Variants in SLC4A4 observed in about 807,000 individuals in gnomAD.
SLC4A4 encodes solute carrier family 4 member 4.
Under a neutral mutation model 111.5 loss-of-function variants are expected in SLC4A4, and 27 were observed. The observed-to-expected ratio is 0.24, with a 90% CI of 0.18 to 0.33. The LOEUF is 0.33. Among genes scored for constraint, SLC4A4 ranks in the 10% least tolerant of loss-of-function variants. SLC4A4 has a pLI of 1.00. For synonymous variants in SLC4A4, 443 were observed against 463.4 expected, an observed-to-expected ratio of 0.96 and a Z score of 0.57; for missense variants, 909 against 1,315.5, an observed-to-expected ratio of 0.69 and a Z score of 4.78.
intron 8 of SLC4A4, among the ~76,000 whole-genome samples, chr4:71,443,232 C>T (rs964827595): frequency 6.7e-5 from 10 of 149,622 alleles, no homozygotes; most frequent in Non-Finnish European, 1.3e-4. Flanking sequence ...CTCACTGCAA[C>T]CCCCGCCTCC....
chr4:71,226,994 G>A (rs935978388), intron 1 of SLC4A4, among the ~76,000 whole-genome samples: 6 of 152,050 alleles, frequency 3.9e-5, no homozygotes, highest in Non-Finnish European at 8.8e-5. Flanking sequence ...AATGTGGTGG[G>A]GACAAGAGCC....
chr4:71,100,574 A>G (rs1000825437), intron 2 of SLC4A4, among the ~76,000 whole-genome samples: 34 of 152,200 alleles, frequency 2.2e-4, no homozygotes, highest in Non-Finnish European at 1.5e-5. Flanking sequence ...TCTATTCAAC[A>G]TAGTATTGTA....
intron 1 of SLC4A4, among the ~76,000 whole-genome samples, chr4:71,088,410 G>C (rs1465137498): frequency 6.6e-6 from 1 of 151,808 alleles, no homozygotes; most frequent in African/African-American, 2.4e-5. Context: ...TTACATTTAA[G>C]GTTAATATTG....
chr4:71,282,733 C>G (rs1241463760), intron 3 of SLC4A4, among the ~76,000 whole-genome samples: 1 of 151,826 alleles, frequency 6.6e-6, no homozygotes, highest in Non-Finnish European at 1.5e-5. Flanking sequence ...CAGGTGTGTG[C>G]CACCACATCT....
intron 2 of SLC4A4, among the ~76,000 whole-genome samples, chr4:71,143,914 G>C (rs1202547118): frequency 6.6e-6 from 1 of 152,040 alleles, no homozygotes; most frequent in Non-Finnish European, 1.5e-5. Flanking sequence ...CACTCTGATG[G>C]TAGTTTCTTT....
intron 1 of SLC4A4, chr4:71,233,275 C>G: frequency 1.0e-6 from 1 of 985,278 alleles, no homozygotes; most frequent in South Asian, 4.7e-5. Flanking sequence ...GAAAAGAGAA[C>G]TACTGAATGC....
At chr4:71,300,889 C>T (rs754414611) in intron 3 of SLC4A4, 25 of 504,598 alleles carry the variant, frequency 5.0e-5, no homozygotes, top group Middle Eastern at 3.3e-4. Flanking sequence ...TTGCTCAGCA[C>T]GTGGTAGGTG....
intron 11 of SLC4A4, among the ~76,000 whole-genome samples, chr4:71,452,079 C>T (rs1725816004): frequency 9.1e-6 from 1 of 109,354 alleles, no homozygotes; most frequent in African/African-American, 3.6e-5. Context: ...GAAGATATGG[C>T]TTTTTAAAAA....
At chr4:71,275,266 G>A (rs1336089525) in intron 3 of SLC4A4, among the ~76,000 whole-genome samples, 1 of 152,108 alleles carries the variant, frequency 6.6e-6, no homozygotes, top group African/African-American at 2.4e-5. Flanking sequence ...AAATGAATAG[G>A]GAAGATAAGT....
intron 6 of SLC4A4, among the ~76,000 whole-genome samples, chr4:71,386,526 C>T (rs1308947553): frequency 6.6e-6 from 1 of 152,038 alleles, no homozygotes; most frequent in Non-Finnish European, 1.5e-5. Context: ...CCCTTCTTCC[C>T]ATGCTCTTTG....
intron 3 of SLC4A4, among the ~76,000 whole-genome samples, chr4:71,313,883 T>C (rs1018183417): frequency 2.0e-5 from 3 of 151,960 alleles, no homozygotes; most frequent in Admixed American, 2.0e-4. Context: ...AGTAAAACAC[T>C]AAAAGCAATT....
chr4:71,119,176 G>A (rs545116420), intron 2 of SLC4A4, among the ~76,000 whole-genome samples: 27 of 152,256 alleles, frequency 1.8e-4, no homozygotes, highest in Non-Finnish European at 3.5e-4. Context: ...GAGTATATCG[G>A]AGCCCCCTGT....
intron 2 of SLC4A4, among the ~76,000 whole-genome samples, chr4:71,107,416 G>A (rs775005266): frequency 5.9e-5 from 9 of 151,684 alleles, no homozygotes; most frequent in Non-Finnish European, 1.0e-4. Context: ...GTGCCCTCTC[G>A]GCTCATTGCA....
At position 71,519,470 on chromosome 4, in the gene SLC4A4, A is replaced by AAAT. The variant is rs1420257763; in HGVS notation, c.2167-12591_2167-12589dup. The stretch of plus-strand genomic sequence containing the variant: ...AGCATAGTTTAGAATTGTATATACC[A>AAAT]AATTATAAAATACACAGAGAGGAGA... On this transcript the variant is annotated intron_variant, in intron 16 of 25. Transcript: ENST00000264485. Among the ~76,000 whole-genome samples, 20 of 152,366 alleles carry AAAT rather than the reference A, an allele frequency of 1.3e-4. No homozygotes were observed. In the East Asian group the frequency reaches 3.5e-3, roughly 26 times the overall value.
intron 2 of SLC4A4, among the ~76,000 whole-genome samples, chr4:71,103,147 A>G (rs1742809803): frequency 6.6e-6 from 1 of 151,784 alleles, no homozygotes; most frequent in Non-Finnish European, 1.5e-5. Context: ...CAGACTTTAA[A>G]CCAACAAAGA....
chr4:71,419,204 G>T (rs568259578), intron 7 of SLC4A4, among the ~76,000 whole-genome samples: 2 of 152,236 alleles, frequency 1.3e-5, no homozygotes, highest in African/African-American at 4.8e-5. Context: ...CGTGCTGGGA[G>T]AACCACTGCT....
At chr4:71,102,167 A>T (rs1742765398) in intron 2 of SLC4A4, among the ~76,000 whole-genome samples, 1 of 152,018 alleles carries the variant, frequency 6.6e-6, no homozygotes, top group African/African-American at 2.4e-5. Context: ...AAGAAAGGGT[A>T]TCAGCAATGG....
At chr4:71,436,314 A>G (rs1359461536) in intron 7 of SLC4A4, among the ~76,000 whole-genome samples, 1 of 152,148 alleles carries the variant, frequency 6.6e-6, no homozygotes, top group Non-Finnish European at 1.5e-5. Context: ...AAGAACAGAA[A>G]ACCAAGCACT....
intron 6 of SLC4A4, among the ~76,000 whole-genome samples, chr4:71,367,689 A>G (rs757983623): frequency 6.6e-6 from 1 of 152,232 alleles, no homozygotes; most frequent in Non-Finnish European, 1.5e-5. Context: ...ATTATGGGAA[A>G]CAATTAAAAA....
Sources: gnomAD v4.1 joint callset for allele counts (sites outside exome capture counted in the v4.1 genomes callset) on GRCh38, gnomAD v4.1.1 for gene constraint, MANE v1.5 for transcripts, NCBI Gene and HGNC (gene_info 2026-07-23, HGNC 2026-07-21) for gene names.